PCDHA10: variants seen among roughly 807,000 people sequenced by gnomAD.
PCDHA10 encodes protocadherin alpha 10.
In PCDHA10, 45 loss-of-function variants were observed where a neutral mutation model predicts 61.2. The observed-to-expected ratio is 0.74, with a 90% CI of 0.58 to 0.94. PCDHA10 has a LOEUF of 0.94. Ranked by LOEUF, PCDHA10 falls within the 40% of genes least tolerant of loss-of-function variation. The pLI is 0.00. For synonymous variants in PCDHA10, 602 were observed against 548.8 expected (o/e 1.10, Z -1.35); for missense variants, 1,278 against 1,236.2 (o/e 1.03, Z -0.51).
chr5:140,915,684 G>T (rs576904848), intron 1 of PCDHA10, among the ~76,000 whole-genome samples: 5 of 151,572 alleles, frequency 3.3e-5, no homozygotes, highest in South Asian at 4.2e-4. Context: ...TGAACTAGGG[G>T]TATGGTGATG....
chr5:140,883,568 T>C, intron 1 of PCDHA10: 3 of 1,614,110 alleles, frequency 1.9e-6, no homozygotes, highest in Non-Finnish European at 2.5e-6. Context: ...GGGCTCGCCT[T>C]CGCTGTGGGC....
intron 1 of PCDHA10, among the ~76,000 whole-genome samples, chr5:140,907,337 A>G (rs2073315694): frequency 6.6e-6 from 1 of 152,210 alleles, no homozygotes; most frequent in Non-Finnish European, 1.5e-5. Flanking sequence ...TTCCATATGC[A>G]TGAGCCCGCT....
At chr5:140,997,251 G>T (rs1217959179) in intron 3 of PCDHA10, among the ~76,000 whole-genome samples, 2 of 152,060 alleles carry the variant, frequency 1.3e-5, no homozygotes, top group Non-Finnish European at 2.9e-5. Context: ...TTACTTTAGG[G>T]TTCACTCTTC....
chr5:140,912,794 C>T (rs1554195532), intron 1 of PCDHA10, among the ~76,000 whole-genome samples: 1 of 151,998 alleles, frequency 6.6e-6, no homozygotes, highest in South Asian at 2.1e-4. Context: ...TGCCAATTTT[C>T]TTGAGGGTTT....
intron 1 of PCDHA10, among the ~76,000 whole-genome samples, chr5:140,885,964 G>A (rs1326363408): frequency 6.6e-6 from 1 of 151,886 alleles, no homozygotes; most frequent in Non-Finnish European, 1.5e-5. Flanking sequence ...TTTTTATTTT[G>A]AGATAATTAT....
At chr5:140,903,636 T>C (rs1330875573) in intron 1 of PCDHA10, among the ~76,000 whole-genome samples, 3 of 152,236 alleles carry the variant, frequency 2.0e-5, no homozygotes, top group African/African-American at 7.2e-5. Context: ...TGTATGCATA[T>C]ACCATATACA....
intron 3 of PCDHA10, among the ~76,000 whole-genome samples, chr5:141,006,730 C>A (rs1222445312): frequency 1.3e-5 from 2 of 151,754 alleles, no homozygotes; most frequent in African/African-American, 4.8e-5. Context: ...AATGACAGGT[C>A]TTGATGATGT....
chr5:140,929,508 A>C (rs1200880949), intron 1 of PCDHA10: 3 of 831,290 alleles, frequency 3.6e-6, no homozygotes, highest in Non-Finnish European at 5.1e-6. Context: ...CCTAGGCCTC[A>C]AGGGACTTAT....
Position 141,010,240 on chromosome 5 carries a change from G to A in PCDHA10, c.*303G>A. The A allele has an allele frequency of 6.4e-7, 1 of 1,551,928 alleles. No homozygotes were observed. The highest frequency in any genetic ancestry group is 8.7e-7 in the Non-Finnish European group (1 of 1,147,042). ...GGCTTCCCAGCCCCGCCAGTGAGAGGTTGGACTCTCTGCCCTGTGCTCCGG... is the reference window on the plus strand; with the variant it reads ...GGCTTCCCAGCCCCGCCAGTGAGAGATTGGACTCTCTGCCCTGTGCTCCGG... On this transcript the variant is annotated 3_prime_UTR_variant, in exon 4 of 4. Coordinates refer to ENST00000307360, the MANE Select transcript of PCDHA10 (RefSeq NM_018901.4).
At chr5:140,884,068 T>A (rs1554181200) in intron 1 of PCDHA10, 1 of 1,613,416 alleles carries the variant, frequency 6.2e-7, no homozygotes. Context: ...TGGACGCCGA[T>A]TCGGGCTACA....
chr5:141,007,498 G>A (rs936217793), intron 3 of PCDHA10, among the ~76,000 whole-genome samples: 1 of 151,942 alleles, frequency 6.6e-6, no homozygotes. Flanking sequence ...GACCTAGGAG[G>A]CAGAGACTGC....
chr5:140,877,090 G>T lies in PCDHA10; in HGVS notation c.2388+18654G>T, dbSNP rs201209762. ...GCAGTTCCAGGTGAGCGCGCGCGAC[G>T]CCGGCGTGCCGCCTCTGGGCAGCAA... is the stretch of plus-strand genomic sequence containing the variant. On this transcript the variant is annotated intron_variant, in intron 1 of 3. Coordinates refer to ENST00000307360, the MANE Select transcript of PCDHA10 (RefSeq NM_018901.4). 4,655 of 1,613,184 alleles carry T rather than the reference G, an allele frequency of 2.9e-3. 21 individuals are homozygous for T. Among genetic ancestry groups the T allele is most frequent in the African/African-American group, 0.01 (785 of 75,036 alleles).
chr5:141,003,086 G>T (rs782184121), intron 3 of PCDHA10, among the ~76,000 whole-genome samples: 7 of 152,194 alleles, frequency 4.6e-5, no homozygotes, highest in Non-Finnish European at 1.0e-4. Flanking sequence ...GAGTTTAACA[G>T]GCCTGGCATT....
At chr5:140,909,523 C>G (rs1265179214) in intron 1 of PCDHA10, among the ~76,000 whole-genome samples, 1 of 152,172 alleles carries the variant, frequency 6.6e-6, no homozygotes, top group Non-Finnish European at 1.5e-5. Context: ...AACCCCTGCA[C>G]ATTTTGAGTC....
At chr5:140,895,115 T>C (rs2064854715) in intron 1 of PCDHA10, among the ~76,000 whole-genome samples, 1 of 152,182 alleles carries the variant, frequency 6.6e-6, no homozygotes, top group Non-Finnish European at 1.5e-5. Flanking sequence ...CAAGAAGACA[T>C]TTGTTAGTTG....
Position 140,856,715 on chromosome 5 carries a change from G to A in PCDHA10, c.667G>A (p.Gly223Arg), listed in dbSNP as rs1233191211. The A allele has an allele frequency of 2.5e-6, 4 of 1,596,328 alleles. No homozygotes were observed. The highest frequency in any genetic ancestry group is 1.7e-5 in the Admixed American group (1 of 59,204). Reference protein sequence around the residue: ...ATDGGKPEFTGSVSLLILVLD... With the variant: ...ATDGGKPEFTRSVSLLILVLD... ...TGATGGAGGCAAACCTGAATTTACC[G>A]GATCTGTTTCTCTGCTGATCCTGGT... Residue 223 changes from glycine (G) to arginine (R), a missense_variant, in exon 1 of 4, where the codon GGA becomes AGA. Physicochemically the swap from Gly to Arg is moderately radical, Grantham distance 125. Coordinates refer to ENST00000307360, the MANE Select transcript of PCDHA10 (RefSeq NM_018901.4).
At chr5:140,921,078 C>A (rs2153559626) in intron 1 of PCDHA10, among the ~76,000 whole-genome samples, 1 of 151,870 alleles carries the variant, frequency 6.6e-6, no homozygotes, top group East Asian at 2.0e-4. Context: ...CTCTTGGGCT[C>A]AAGAGAATCC....
chr5:140,916,084 C>T (rs1330761804), intron 1 of PCDHA10, among the ~76,000 whole-genome samples: 3 of 152,186 alleles, frequency 2.0e-5, no homozygotes, highest in Non-Finnish European at 4.4e-5. Flanking sequence ...TACCACTGGT[C>T]CACAGGGAAT....
intron 1 of PCDHA10, among the ~76,000 whole-genome samples, chr5:140,941,207 CT>C (rs880001940): frequency 0.13 from 13,079 of 103,138 alleles, 665 homozygotes; most frequent in African/African-American, 0.21. Context: ...TTCTTCCTTT[CT>C]TTCTTCCTTT....
Sources: allele counts gnomAD v4.1 joint callset (sites outside exome capture counted in the v4.1 genomes callset), GRCh38; gene constraint gnomAD v4.1.1; transcripts MANE v1.5; gene names NCBI Gene and HGNC (gene_info 2026-07-23, HGNC 2026-07-21).